CACNA1E: variants seen among roughly 807,000 people sequenced by gnomAD.
The protein encoded by CACNA1E is calcium voltage-gated channel subunit alpha1 E.
Under a neutral mutation model 259.2 loss-of-function variants are expected in CACNA1E, and 40 were observed. The ratio of observed to expected loss-of-function variants is 0.15; its 90% CI spans 0.12 to 0.20. The LOEUF (loss-of-function observed/expected upper bound fraction) is 0.20. CACNA1E is among the 10% of genes least tolerant of loss of function. CACNA1E has a pLI of 1.00. For synonymous variants in CACNA1E, 1,104 were observed against 1,138.5 expected, an observed-to-expected ratio of 0.97 and a Z score of 0.61; for missense variants, 1,874 against 3,040.1, an observed-to-expected ratio of 0.62 and a Z score of 9.02.
At chr1:181,764,425 T>A (rs528620966) in intron 34 of CACNA1E, among the ~76,000 whole-genome samples, 1 of 152,336 alleles carries the variant, frequency 6.6e-6, no homozygotes, top group East Asian at 1.9e-4. Context: ...TTTTAATTAT[T>A]TATAGTTTAA....
chr1:181,613,616 C>T (rs1654948927), intron 6 of CACNA1E, among the ~76,000 whole-genome samples: 1 of 152,126 alleles, frequency 6.6e-6, no homozygotes, highest in Non-Finnish European at 1.5e-5. Context: ...TTATCTTTTC[C>T]CTTCAAGGCT....
rs151011712 is a variant in CACNA1E, at chr1:181,636,160, T to C, written c.952-15178T>C. Among the ~76,000 whole-genome samples the C allele has an allele frequency of 9.7e-4, 147 of 152,328 alleles. 1 individual carries two copies. In the East Asian group the frequency reaches 0.024, roughly 24 times the overall value. The stretch of plus-strand genomic sequence containing the variant: ...TTTAAATAATAATATTAACATCTAA[T>C]GTTTGTGGAGCATTTACTATGTTTC... On this transcript the variant is annotated intron_variant, in intron 6 of 47. Transcript: ENST00000367573.
At chr1:181,334,313 AG>A (rs1234104140) in intron 1 of CACNA1E, among the ~76,000 whole-genome samples, 1 of 152,196 alleles carries the variant, frequency 6.6e-6, no homozygotes, top group Non-Finnish European at 1.5e-5. Flanking sequence ...TGCAGTCCTA[AG>A]GCCTCTTCTT....
At chr1:181,351,538 C>G in intron 1 of CACNA1E, among the ~76,000 whole-genome samples, 1 of 152,212 alleles carries the variant, frequency 6.6e-6, no homozygotes, top group East Asian at 1.9e-4. Flanking sequence ...AATTTGTTCT[C>G]TCACCGTTCT....
At chr1:181,511,658 T>C in intron 3 of CACNA1E, 148 bp downstream of exon 3, 1 of 909,120 alleles carries the variant, frequency 1.1e-6, no homozygotes, top group Non-Finnish European at 1.7e-6. Context: ...TTCCCCAGGG[T>C]GCTGGACCAT....
intron 2 of CACNA1E, among the ~76,000 whole-genome samples, chr1:181,438,750 C>T (rs560504729): frequency 3.3e-5 from 5 of 152,248 alleles, no homozygotes; most frequent in East Asian, 1.9e-4. Flanking sequence ...ATAACTGGTA[C>T]GCTTATTTTG....
At chr1:181,319,496 C>G (rs1650179971) in intron 1 of CACNA1E, among the ~76,000 whole-genome samples, 1 of 152,138 alleles carries the variant, frequency 6.6e-6, no homozygotes, top group African/African-American at 2.4e-5. Flanking sequence ...GATGGTGCAG[C>G]GATTTCTACC....
At chr1:181,397,228 C>A (rs1656740584) in intron 1 of CACNA1E, among the ~76,000 whole-genome samples, 1 of 152,216 alleles carries the variant, frequency 6.6e-6, no homozygotes. Context: ...GCAGGCCTCA[C>A]ATTATAGAAT....
Position 181,776,046 on chromosome 1 carries a change from T to G in CACNA1E, c.5140-55T>G. 1.9e-6 allele frequency: 3 copies of G among 1,554,630 alleles called. No homozygotes were observed. Among genetic ancestry groups the G allele is most frequent in the Admixed American group, 3.6e-5 (2 of 56,290 alleles). On this transcript the variant is annotated intron_variant, in intron 37 of 47. Transcript: ENST00000367573. This position sits in a 1 kb window ranked among gnomAD's most constrained non-coding sequence, Gnocchi z 4.4. Reference sequence around the variant, plus strand: ...ATGCCCTGAAGCCTGTTCTTCTGCTTCCTGAGCTCTGCTTTAGGTTTCCCC... The same window carrying G: ...ATGCCCTGAAGCCTGTTCTTCTGCTGCCTGAGCTCTGCTTTAGGTTTCCCC...
At chr1:181,391,933 CTCTCTCTCTCTCTGTGTGTGTGTG>C (rs1656317917) in intron 1 of CACNA1E, among the ~76,000 whole-genome samples, 2 of 79,962 alleles carry the variant, frequency 2.5e-5, no homozygotes, top group Admixed American at 2.8e-4. Context: ...CTGTCTCTCT[CTCTCTCTCTCTCTGTGTGTGTGTG>C]TGTGTGTGTG....
chr1:181,579,291 G>A, intron 5 of CACNA1E, 67 bp downstream of exon 5: 1 of 1,288,914 alleles, frequency 7.8e-7, no homozygotes, highest in Non-Finnish European at 1.1e-6. Context: ...TAATTTCAGG[G>A]CACTTGGAGG....
At chr1:181,723,630 T>C (rs770201854) in intron 16 of CACNA1E, among the ~76,000 whole-genome samples, 1 of 152,172 alleles carries the variant, frequency 6.6e-6, no homozygotes, top group South Asian at 2.1e-4. Context: ...ACGATGACGA[T>C]TGCATGCCTC....
chr1:181,741,261 G>T (rs1017770806), intron 25 of CACNA1E, among the ~76,000 whole-genome samples: 10 of 152,204 alleles, frequency 6.6e-5, no homozygotes, highest in Non-Finnish European at 1.3e-4. Context: ...ACGGGCTCTT[G>T]TTTGAATCCC....
At chr1:181,330,932 T>C (rs1651210229) in intron 1 of CACNA1E, among the ~76,000 whole-genome samples, 1 of 152,164 alleles carries the variant, frequency 6.6e-6, no homozygotes, top group Non-Finnish European at 1.5e-5. Context: ...CTGGGCTTGT[T>C]TGAGAGCAAG....
In CACNA1E at chr1:181,771,368, CT is replaced by C. The variant is rs2102766368; in HGVS notation, c.4958del (p.Leu1653GlnfsTer61). On this transcript the variant is annotated frameshift_variant, in exon 36 of 48. Coordinates refer to ENST00000367573, the MANE Select transcript of CACNA1E (RefSeq NM_001205293.3). LOFTEE classifies it high-confidence loss of function. The part of the protein sequence containing the change: ...HNNFRSFFGS[L>X]MLLFRSATGE... ...CAACTTCCGGAGTTTCTTTGGGTCC[CT>C]AATGCTACTCTTCAGGTACCTGGAT... 1 of 1,588,378 alleles carries C rather than the reference CT, an allele frequency of 6.3e-7. No individual in the cohort carries two copies. The highest frequency in any genetic ancestry group is 8.6e-7 in the Non-Finnish European group (1 of 1,160,144).
At chr1:181,794,018 C>T (rs143471872) in intron 45 of CACNA1E, among the ~76,000 whole-genome samples, 68 of 152,272 alleles carry the variant, frequency 4.5e-4, no homozygotes, top group African/African-American at 1.1e-3. Context: ...TACTTCACTC[C>T]GGACGGGTTA....
At chr1:181,443,426 A>G (rs1660620096) in intron 2 of CACNA1E, among the ~76,000 whole-genome samples, 1 of 152,256 alleles carries the variant, frequency 6.6e-6, no homozygotes, top group South Asian at 2.1e-4. Flanking sequence ...AAGAGATCAG[A>G]AAATGTGCTC....
intron 3 of CACNA1E, among the ~76,000 whole-genome samples, chr1:181,524,184 A>G (rs941713965): frequency 2.6e-5 from 4 of 152,274 alleles, no homozygotes; most frequent in South Asian, 2.1e-4. Context: ...CTCATCCCTC[A>G]ACCAGACTAT....
At chr1:181,368,192 T>C (rs963663430) in intron 1 of CACNA1E, among the ~76,000 whole-genome samples, 2 of 151,614 alleles carry the variant, frequency 1.3e-5, no homozygotes, top group Admixed American at 6.6e-5. Flanking sequence ...ATCATGCCAC[T>C]GCACTCCAGC....
Sources: allele counts gnomAD v4.1 joint callset (sites outside exome capture counted in the v4.1 genomes callset), GRCh38; gene constraint gnomAD v4.1.1; non-coding constraint Gnocchi (gnomAD v3.1); transcripts MANE v1.5; gene names NCBI Gene and HGNC (gene_info 2026-07-23, HGNC 2026-07-21).